The following DAB1 variants were observed in gnomAD, a reference collection of about 807,000 sequenced individuals.
DAB1 encodes DAB adaptor protein 1, also known as disabled homolog 1.
Under a neutral mutation model 64.6 loss-of-function variants are expected in DAB1, and 15 were observed. That is an observed-to-expected ratio of 0.23 (90% CI 0.16 to 0.36). DAB1 has a LOEUF of 0.36. Ranked by LOEUF, DAB1 falls within the 10% of genes least tolerant of loss-of-function variation. The pLI is 1.00. For synonymous variants in DAB1, 235 were observed against 251.9 expected (o/e 0.93, Z 0.64); for missense variants, 596 against 706.7 (o/e 0.84, Z 1.78).
At chr1:57,421,918 G>GA (rs1684936064) in intron 1 of DAB1, among the ~76,000 whole-genome samples, 1 of 59,060 alleles carries the variant, frequency 1.7e-5, no homozygotes, top group African/African-American at 7.2e-5. Flanking sequence ...GGGGGGTGGC[G>GA]GGGGGGGGTG....
chr1:58,049,413 A>G lies in DAB1; in HGVS notation n.387+101098T>C. The G allele has an allele frequency of 1.6e-5, 7 of 443,780 alleles. No individual in the cohort carries two copies. The South Asian group carries it at 2.0e-4, about 13-fold the overall frequency. 27.5% of individuals were successfully genotyped at this position (443,780 alleles called of 1,614,324 possible). On this transcript the variant is annotated intron_variant and non_coding_transcript_variant, in intron 5 of 20. Transcript: ENST00000485760. The stretch of plus-strand genomic sequence containing the variant: ...TTTGCACTTCTTTCCGATAATAATT[A>G]TGCTCAGAGTCATTCAGCAACCACA...
chr1:58,228,040 C>G (rs1659581585), intron 4 of DAB1, among the ~76,000 whole-genome samples: 1 of 152,172 alleles, frequency 6.6e-6, no homozygotes, highest in South Asian at 2.1e-4. Context: ...CATAGCCTAA[C>G]TGGTTTCAGA....
intron 3 of DAB1, among the ~76,000 whole-genome samples, chr1:58,361,897 C>T (rs61778964): frequency 0.11 from 11,967 of 109,616 alleles, 585 homozygotes; most frequent in Middle Eastern, 0.23. Flanking sequence ...TGAGACGGAG[C>T]CTCACTCTGT....
intron 2 of DAB1, among the ~76,000 whole-genome samples, chr1:57,184,436 G>C (rs1210211632): frequency 2.6e-5 from 4 of 152,158 alleles, no homozygotes; most frequent in African/African-American, 9.7e-5. Flanking sequence ...ACCTGATCAT[G>C]CTACTCCCGT....
chr1:57,755,761 T>C (rs79265478), intron 6 of DAB1, among the ~76,000 whole-genome samples: 1 of 152,270 alleles, frequency 6.6e-6, no homozygotes, highest in African/African-American at 2.4e-5. Flanking sequence ...GCCCAAAGAC[T>C]CTCTAAATCC....
intron 5 of DAB1, among the ~76,000 whole-genome samples, chr1:58,147,424 C>A (rs191580030): frequency 6.6e-6 from 1 of 151,874 alleles, no homozygotes; most frequent in East Asian, 1.9e-4. Flanking sequence ...CGAGACCATC[C>A]TGGCTAACAT....
intron 4 of DAB1, among the ~76,000 whole-genome samples, chr1:58,158,482 C>T (rs1329706300): frequency 6.6e-6 from 1 of 152,126 alleles, no homozygotes; most frequent in Non-Finnish European, 1.5e-5. Flanking sequence ...TGGTCCCCCA[C>T]CCTCTACCAA....
chr1:57,523,334 C>T (rs1371353745), intron 7 of DAB1, among the ~76,000 whole-genome samples: 2 of 152,116 alleles, frequency 1.3e-5, no homozygotes, highest in African/African-American at 4.8e-5. Flanking sequence ...ATATTACATA[C>T]AGTAAAAAAG....
intron 9 of DAB1, among the ~76,000 whole-genome samples, chr1:57,030,041 T>C (rs1646919643): frequency 6.6e-6 from 1 of 152,126 alleles, no homozygotes; most frequent in East Asian, 1.9e-4. Flanking sequence ...CCCACCCAAA[T>C]CTCAACTTGA....
At position 57,755,127 on chromosome 1, in the gene DAB1, T is replaced by C. The variant is rs140628118; in HGVS notation, n.552-105462A>G. Among the ~76,000 whole-genome samples, 481 of 152,286 alleles carry C rather than the reference T, an allele frequency of 3.2e-3. 2 individuals carry two copies. The highest frequency in any genetic ancestry group is 0.011 in the African/African-American group (462 of 41,576). Reference sequence around the variant, plus strand: ...TCTAGTAGAGTCAGTCAGTTCTCTTTCTTTCTCTCCTCCTCTTTCAAAGAT... The same window carrying C: ...TCTAGTAGAGTCAGTCAGTTCTCTTCCTTTCTCTCCTCCTCTTTCAAAGAT... On this transcript the variant is annotated intron_variant and non_coding_transcript_variant, in intron 6 of 20. Transcript: ENST00000485760.
At chr1:58,055,561 C>T (rs971697068) in intron 5 of DAB1, among the ~76,000 whole-genome samples, 5 of 152,132 alleles carry the variant, frequency 3.3e-5, no homozygotes, top group African/African-American at 1.2e-4. Context: ...AGAATGTAAG[C>T]TCCTTGAAGG....
intron 1 of DAB1, among the ~76,000 whole-genome samples, chr1:57,315,274 T>G (rs2100746185): frequency 6.6e-6 from 1 of 152,362 alleles, no homozygotes; most frequent in South Asian, 2.1e-4. Flanking sequence ...TATATATTAC[T>G]TATTCCATGT....
At chr1:58,162,399 G>C (rs529023794) in intron 4 of DAB1, among the ~76,000 whole-genome samples, 1 of 150,430 alleles carries the variant, frequency 6.6e-6, no homozygotes, top group Non-Finnish European at 1.5e-5. Flanking sequence ...CTTCCTTTCT[G>C]CCTTTCTTTT....
At chr1:57,279,757 T>C (rs1456766170) in intron 2 of DAB1, among the ~76,000 whole-genome samples, 2 of 152,238 alleles carry the variant, frequency 1.3e-5, no homozygotes, top group Non-Finnish European at 2.9e-5. Context: ...ATTTTCACTT[T>C]ACCTTTTTAT....
intron 2 of DAB1, among the ~76,000 whole-genome samples, chr1:57,272,727 T>C (rs1168717745): frequency 6.6e-6 from 1 of 152,130 alleles, no homozygotes; most frequent in Non-Finnish European, 1.5e-5. Context: ...TCACTGGTTG[T>C]TGTGTTAAGA....
Position 57,722,514 on chromosome 1 carries a change from G to A in DAB1, n.552-72849C>T, listed in dbSNP as rs77235440. Among the ~76,000 whole-genome samples, 283 of 152,132 alleles carry A rather than the reference G, an allele frequency of 1.9e-3. 4 individuals carry two copies. The East Asian group carries it at 0.049, about 26-fold the overall frequency. ...AGCACCCTCTCAAACTTCTCAACAC[G>A]GTATTCCCAGCAGTGAATACCCATT... is the stretch of plus-strand genomic sequence containing the variant. On this transcript the variant is annotated intron_variant and non_coding_transcript_variant, in intron 6 of 20. Transcript: ENST00000485760.
intron 2 of DAB1, among the ~76,000 whole-genome samples, chr1:57,174,872 A>G (rs991255184): frequency 6.6e-6 from 1 of 152,156 alleles, no homozygotes; most frequent in Non-Finnish European, 1.5e-5. Flanking sequence ...ATAGTATATA[A>G]TTAGTTAGGT....
At chr1:58,541,293 CAAAAAAAAAAAAAAAAAAA>C (rs71043292) in intron 1 of DAB1, among the ~76,000 whole-genome samples, 133 of 27,544 alleles carry the variant, frequency 4.8e-3, no homozygotes, top group East Asian at 0.019. Context: ...GACTCTGTCT[CAAAAAAAAAAAAAAAAAAA>C]AAAAAAAAAA....
At chr1:57,358,458 T>C (rs1052733017) in intron 1 of DAB1, among the ~76,000 whole-genome samples, 1 of 152,006 alleles carries the variant, frequency 6.6e-6, no homozygotes, top group Non-Finnish European at 1.5e-5. Context: ...TTTATTGTTT[T>C]GTGTGATGAA....
Sources: allele counts gnomAD v4.1 joint callset (sites outside exome capture counted in the v4.1 genomes callset), GRCh38; gene constraint gnomAD v4.1.1; transcripts MANE v1.5; gene names NCBI Gene and HGNC (gene_info 2026-07-23, HGNC 2026-07-21).